CPNE4: variants seen among roughly 807,000 people sequenced by gnomAD.
The protein encoded by CPNE4 is copine 4, also known as copine-4.
In CPNE4, 25 loss-of-function variants were observed where a neutral mutation model predicts 67.9. The ratio of observed to expected loss-of-function variants is 0.37; its 90% CI spans 0.27 to 0.51. The LOEUF (loss-of-function observed/expected upper bound fraction) is 0.51. Among genes scored for constraint, CPNE4 ranks in the 20% least tolerant of loss-of-function variants. The pLI is 0.93. For synonymous variants in CPNE4, 242 were observed against 244.9 expected (o/e 0.99, Z 0.11); for missense variants, 464 against 690.8 (o/e 0.67, Z 3.68).
chr3:132,028,413 T>C (rs1460738837), intron 1 of CPNE4, among the ~76,000 whole-genome samples: 1 of 152,192 alleles, frequency 6.6e-6, no homozygotes, highest in Non-Finnish European at 1.5e-5. Context: ...CTCAAGTTTT[T>C]ATGTTTATCC....
At chr3:131,564,436 C>T (rs935028585) in intron 10 of CPNE4, 87 bp from the exon 11 acceptor site, 28 of 1,323,830 alleles carry the variant, frequency 2.1e-5, no homozygotes, top group Non-Finnish European at 2.5e-5. Context: ...GACCTGGCCT[C>T]GGGTCAAAAA....
At position 131,855,002 on chromosome 3, in the gene CPNE4, C is replaced by T. The variant is rs556785724; in HGVS notation, c.180+50262G>A. The stretch of plus-strand genomic sequence containing the variant: ...TCCATGGGCCTGCACAAGCCTACAA[C>T]CAAGATACGGTATTTCTGTAACTTC... On this transcript the variant is annotated intron_variant, in intron 2 of 15. Transcript: ENST00000429747. Among the ~76,000 whole-genome samples, 241 of 152,072 alleles carry T rather than the reference C, an allele frequency of 1.6e-3. 1 individual carries two copies. The highest frequency in any genetic ancestry group is 2.2e-3 in the Non-Finnish European group (151 of 67,898).
intron 2 of CPNE4, among the ~76,000 whole-genome samples, chr3:131,821,698 A>G (rs1173966628): frequency 1.3e-5 from 2 of 152,204 alleles, no homozygotes; most frequent in Non-Finnish European, 2.9e-5. Flanking sequence ...AAGGAGGAAC[A>G]TAGCTGTGCA....
At chr3:131,586,374 A>T (rs954350562) in intron 8 of CPNE4, among the ~76,000 whole-genome samples, 5 of 152,142 alleles carry the variant, frequency 3.3e-5, no homozygotes, top group Non-Finnish European at 7.3e-5. Flanking sequence ...TAGATAGAAG[A>T]GGCATCCCAG....
chr3:131,814,509 C>G (rs558784353), intron 2 of CPNE4, among the ~76,000 whole-genome samples: 1 of 146,900 alleles, frequency 6.8e-6, no homozygotes, highest in South Asian at 2.2e-4. Flanking sequence ...CATCATTAAT[C>G]ACTACCACAA....
chr3:131,715,251 A>C (rs1560167277), intron 3 of CPNE4, among the ~76,000 whole-genome samples: 1 of 152,170 alleles, frequency 6.6e-6, no homozygotes, highest in Non-Finnish European at 1.5e-5. Context: ...AAGTAAATTC[A>C]GTAGAGAAGC....
At chr3:131,788,379 A>T (rs1308619436) in intron 2 of CPNE4, among the ~76,000 whole-genome samples, 2 of 152,180 alleles carry the variant, frequency 1.3e-5, no homozygotes, top group African/African-American at 2.4e-5. Context: ...AAAAAGAAAA[A>T]ATACAAATGA....
intron 13 of CPNE4, among the ~76,000 whole-genome samples, chr3:131,551,131 T>C (rs1404476505): frequency 6.6e-6 from 1 of 152,218 alleles, no homozygotes; most frequent in East Asian, 1.9e-4. Flanking sequence ...CTCCTGAGAT[T>C]ATTCTCCATA....
chr3:131,953,251 A>AAATAAAT (rs1553813418), intron 1 of CPNE4, among the ~76,000 whole-genome samples: 1 of 140,778 alleles, frequency 7.1e-6, no homozygotes, highest in Non-Finnish European at 1.6e-5. Context: ...AAAAAAAAAA[A>AAATAAAT]AAAAAAAAAA....
chr3:131,794,392 G>A (rs904219120), intron 2 of CPNE4, among the ~76,000 whole-genome samples: 4 of 152,010 alleles, frequency 2.6e-5, no homozygotes, highest in Admixed American at 1.3e-4. Flanking sequence ...CTACAGGCGC[G>A]CATCACCATG....
At chr3:131,844,650 T>C (rs2085927594) in intron 2 of CPNE4, among the ~76,000 whole-genome samples, 1 of 152,224 alleles carries the variant, frequency 6.6e-6, no homozygotes, top group South Asian at 2.1e-4. Context: ...ATTGTTATTG[T>C]AATAATTATT....
At chr3:131,581,197 A>AAAACC (rs1259877871) in intron 9 of CPNE4, among the ~76,000 whole-genome samples, 1 of 152,094 alleles carries the variant, frequency 6.6e-6, no homozygotes, top group Non-Finnish European at 1.5e-5. Context: ...AAACAAAACC[A>AAAACC]AAACCAAACC....
Position 131,562,551 on chromosome 3 carries a change from C to A in CPNE4, c.1061+1665G>T, listed in dbSNP as rs373756456. Among the ~76,000 whole-genome samples, 16 of 152,100 alleles carry A rather than the reference C, an allele frequency of 1.1e-4. No individual in the cohort carries two copies. In the East Asian group the frequency reaches 2.7e-3, roughly 26 times the overall value. On this transcript the variant is annotated intron_variant, in intron 11 of 15. Coordinates refer to ENST00000429747, the MANE Select transcript of CPNE4 (RefSeq NM_130808.3). ...ACTTGAGAATCCTGAAGATACTCTC[C>A]CCCTTCTTGTCTCTCAATATGTGCA... is the stretch of plus-strand genomic sequence containing the variant.
chr3:131,975,743 G>A (rs1464111379), intron 1 of CPNE4, among the ~76,000 whole-genome samples: 1 of 152,130 alleles, frequency 6.6e-6, no homozygotes, highest in Non-Finnish European at 1.5e-5. Context: ...GAAGTTCTTA[G>A]CACTTCTGTT....
intron 6 of CPNE4, 35 bp downstream of exon 6, chr3:131,685,839 AG>A (rs757328459): frequency 7.5e-7 from 1 of 1,333,462 alleles, no homozygotes; most frequent in South Asian, 1.2e-5. Flanking sequence ...TCATCATCTT[AG>A]GAGATAAGAG....
At chr3:132,017,086 C>T (rs775527430) in intron 1 of CPNE4, among the ~76,000 whole-genome samples, 4 of 152,052 alleles carry the variant, frequency 2.6e-5, no homozygotes, top group African/African-American at 9.7e-5. Flanking sequence ...AAATGTCCCT[C>T]GGTAGCCAGA....
chr3:132,021,571 T>C (rs981731192), intron 1 of CPNE4, among the ~76,000 whole-genome samples: 5 of 152,202 alleles, frequency 3.3e-5, no homozygotes, highest in African/African-American at 1.2e-4. Flanking sequence ...AAAGAAGCTA[T>C]GGACAACGAC....
At chr3:131,718,070 C>A (rs980328444) in intron 3 of CPNE4, among the ~76,000 whole-genome samples, 1 of 151,830 alleles carries the variant, frequency 6.6e-6, no homozygotes, top group Non-Finnish European at 1.5e-5. Context: ...TCTCGGCTAA[C>A]TGCAACCTCT....
intron 15 of CPNE4, among the ~76,000 whole-genome samples, chr3:131,539,859 A>G (rs1935377424): frequency 6.6e-6 from 1 of 152,196 alleles, no homozygotes. Flanking sequence ...ATGCAGCATT[A>G]AAATCAGGAA....
Sources: gnomAD v4.1 joint callset for allele counts (sites outside exome capture counted in the v4.1 genomes callset) on GRCh38, gnomAD v4.1.1 for gene constraint, MANE v1.5 for transcripts, NCBI Gene and HGNC (gene_info 2026-07-23, HGNC 2026-07-21) for gene names.